TNIK: variants seen among roughly 807,000 people sequenced by gnomAD.
TNIK encodes the protein TRAF2 and NCK interacting kinase.
TNIK carries 49 observed loss-of-function variants against 191.3 expected under a neutral mutation model. That is an observed-to-expected ratio of 0.26 (90% CI 0.20 to 0.32). The LOEUF is 0.32. TNIK is among the 10% of genes least tolerant of loss of function. The pLI, the probability that TNIK is intolerant of heterozygous loss-of-function variation, is 1.00. For synonymous variants in TNIK, 594 were observed against 600.9 expected (o/e 0.99, Z 0.17); for missense variants, 1,155 against 1,702.3 (o/e 0.68, Z 5.66).
chr3:171,235,936 C>A (rs902947398), intron 2 of TNIK, among the ~76,000 whole-genome samples: 7 of 152,034 alleles, frequency 4.6e-5, no homozygotes, highest in Non-Finnish European at 7.4e-5. Context: ...GTGTATAGCC[C>A]TTAATAACTT....
intron 2 of TNIK, among the ~76,000 whole-genome samples, chr3:171,331,211 T>G (rs1284813995): frequency 6.6e-6 from 1 of 152,140 alleles, no homozygotes; most frequent in Non-Finnish European, 1.5e-5. Context: ...GCCCTGACAG[T>G]GCGCTACTCC....
At chr3:171,302,526 T>A (rs879473838) in intron 2 of TNIK, among the ~76,000 whole-genome samples, 4 of 152,206 alleles carry the variant, frequency 2.6e-5, no homozygotes, top group Non-Finnish European at 5.9e-5. Flanking sequence ...ACCTGTATCC[T>A]TGCATTGGTC....
rs532702872 is a variant in TNIK, at chr3:171,188,594, G to C, written c.639+108C>G. The C allele has an allele frequency of 3.8e-4, 517 of 1,368,056 alleles. 3 individuals are homozygous for C. The South Asian group carries it at 8.6e-3, about 23-fold the overall frequency. 84.7% of individuals were successfully genotyped at this position (1,368,056 alleles called of 1,614,324 possible). On this transcript the variant is annotated intron_variant, in intron 7 of 32. Transcript: ENST00000436636. ...TCTTAAACTCAAATAATGTTTTTCA[G>C]TTCTCCCTTTGGGTGACATAAATCA...
chr3:171,352,543 T>C (rs908214852), intron 2 of TNIK, among the ~76,000 whole-genome samples: 4 of 152,234 alleles, frequency 2.6e-5, no homozygotes, highest in African/African-American at 4.8e-5. Flanking sequence ...TCAGTGTATT[T>C]GGGATGCAAG....
intron 2 of TNIK, among the ~76,000 whole-genome samples, chr3:171,245,949 G>A (rs566383337): frequency 6.6e-6 from 1 of 152,206 alleles, no homozygotes; most frequent in Admixed American, 6.5e-5. Flanking sequence ...AGACTTGGGG[G>A]AGGGGAGCAG....
At chr3:171,339,853 C>T (rs1039585953) in intron 2 of TNIK, among the ~76,000 whole-genome samples, 8 of 152,220 alleles carry the variant, frequency 5.3e-5, no homozygotes, top group African/African-American at 1.9e-4. Context: ...TGTTGGCATA[C>T]ACCAGCTCAT....
chr3:171,216,128 C>G (rs1490875981), intron 3 of TNIK, among the ~76,000 whole-genome samples: 1 of 152,116 alleles, frequency 6.6e-6, no homozygotes, highest in African/African-American at 2.4e-5. Flanking sequence ...GTAGGAGACA[C>G]TTTATCATTA....
At chr3:171,085,000 A>G (rs889144438) in intron 25 of TNIK, 118 bp downstream of exon 25, 2 of 671,570 alleles carry the variant, frequency 3.0e-6, no homozygotes, top group Admixed American at 6.3e-5. Context: ...TCTTCCTTTT[A>G]AGATAGGACC....
intron 2 of TNIK, among the ~76,000 whole-genome samples, chr3:171,237,938 C>T (rs1018712446): frequency 4.6e-5 from 7 of 152,162 alleles, no homozygotes; most frequent in East Asian, 1.9e-4. Flanking sequence ...TCCCCATTGA[C>T]GTCATCTGAC....
chr3:171,450,842 A>G (rs75910330), intron 1 of TNIK, among the ~76,000 whole-genome samples: 1,618 of 152,344 alleles, frequency 0.011, 30 homozygotes, highest in African/African-American at 0.037. Context: ...TCAAAGCACC[A>G]GGAATGTGGT....
chr3:171,368,145 T>C (rs945489817), intron 2 of TNIK, among the ~76,000 whole-genome samples: 2 of 152,212 alleles, frequency 1.3e-5, no homozygotes, highest in African/African-American at 4.8e-5. Context: ...TCTCCTCTTA[T>C]AAGACTGCAG....
chr3:171,197,348 G>C (rs566039774), intron 4 of TNIK, among the ~76,000 whole-genome samples: 5 of 151,722 alleles, frequency 3.3e-5, no homozygotes, highest in Non-Finnish European at 7.4e-5. Flanking sequence ...TTTAGCAATG[G>C]CTTCTTAGAT....
intron 2 of TNIK, among the ~76,000 whole-genome samples, chr3:171,304,154 C>T (rs1457461207): frequency 6.6e-6 from 1 of 152,070 alleles, no homozygotes; most frequent in Non-Finnish European, 1.5e-5. Flanking sequence ...TGGCCACAGT[C>T]AGATGAGAGT....
chr3:171,339,504 A>T (rs1359998239), intron 2 of TNIK, among the ~76,000 whole-genome samples: 2 of 152,226 alleles, frequency 1.3e-5, no homozygotes, highest in Non-Finnish European at 2.9e-5. Flanking sequence ...TCATTAGAAT[A>T]TGCATTCCAT....
chr3:171,311,151 A>C (rs1560410780), intron 2 of TNIK, among the ~76,000 whole-genome samples: 1 of 152,192 alleles, frequency 6.6e-6, no homozygotes, highest in East Asian at 1.9e-4. Flanking sequence ...GAGAGAGAAA[A>C]AAAATTCAAT....
intron 2 of TNIK, among the ~76,000 whole-genome samples, chr3:171,253,599 AC>A (rs1340443041): frequency 1.5e-5 from 1 of 68,032 alleles, no homozygotes; most frequent in Non-Finnish European, 3.0e-5. Flanking sequence ...TCCCCCCCCC[AC>A]CCCACCCCCA....
intron 20 of TNIK, 55 bp from the exon 21 acceptor site, chr3:171,107,261 AG>A: frequency 1.9e-6 from 3 of 1,566,948 alleles, no homozygotes; most frequent in Non-Finnish European, 2.6e-6. Context: ...AAAAGCCAGC[AG>A]AAAGGCAGCA....
chr3:171,363,892 A>G (rs1715332865), intron 2 of TNIK, among the ~76,000 whole-genome samples: 1 of 152,218 alleles, frequency 6.6e-6, no homozygotes, highest in Non-Finnish European at 1.5e-5. Context: ...AAATCTTTGA[A>G]TAAGCCAAAA....
In TNIK at chr3:171,190,694, T is replaced by A; in HGVS notation, c.508+3A>T. The A allele has an allele frequency of 6.3e-7, 1 of 1,582,568 alleles. No individual in the cohort carries two copies. The highest frequency in any genetic ancestry group is 8.6e-7 in the Non-Finnish European group (1 of 1,161,884). Reference sequence around the variant, plus strand: ...TCCAAGGCTCACAGGATTCTGCTCTTACCTAGTTTAACTTCTGCATTTTCA... The same window carrying A: ...TCCAAGGCTCACAGGATTCTGCTCTAACCTAGTTTAACTTCTGCATTTTCA... On this transcript the variant is annotated splice_donor_region_variant and intron_variant, in intron 6 of 32. Transcript: ENST00000436636.
Sources: gnomAD v4.1 joint callset for allele counts (sites outside exome capture counted in the v4.1 genomes callset) on GRCh38, gnomAD v4.1.1 for gene constraint, MANE v1.5 for transcripts, NCBI Gene and HGNC (gene_info 2026-07-23, HGNC 2026-07-21) for gene names.